HSD17B3: variants seen among roughly 807,000 people sequenced by gnomAD.
HSD17B3 encodes the protein hydroxysteroid 17-beta dehydrogenase 3.
Under a neutral mutation model 41.1 loss-of-function variants are expected in HSD17B3, and 29 were observed. The ratio of observed to expected loss-of-function variants is 0.71; its 90% confidence interval spans 0.53 to 0.96. The LOEUF (loss-of-function observed/expected upper bound fraction) is 0.96, where lower values mean the gene tolerates loss of function less well. Among genes scored for constraint, HSD17B3 ranks in the 40% least tolerant of loss-of-function variants. The pLI is 0.00. For missense variants in HSD17B3, 323 were observed against 374.6 expected, an observed-to-expected ratio of 0.86 and a Z score of 1.14; for synonymous variants, 126 against 145.6, an observed-to-expected ratio of 0.87 and a Z score of 0.97.
intron 2 of HSD17B3, among the ~76,000 whole-genome samples, chr9:96,262,803 T>C (rs564213374): frequency 6.6e-6 from 1 of 152,178 alleles, no homozygotes; most frequent in Non-Finnish European, 1.5e-5. Flanking sequence ...CCTTTTCTTT[T>C]GTTTTGATTT....
At chr9:96,264,731 T>C (rs552337956) in intron 2 of HSD17B3, among the ~76,000 whole-genome samples, 12 of 152,338 alleles carry the variant, frequency 7.9e-5, no homozygotes, top group African/African-American at 2.9e-4. Context: ...AGTATATATG[T>C]CATTTGCTAC....
intron 2 of HSD17B3, among the ~76,000 whole-genome samples, chr9:96,291,272 G>A (rs1199235033): frequency 2.0e-5 from 3 of 152,022 alleles, no homozygotes; most frequent in African/African-American, 7.2e-5. Flanking sequence ...GAGGCCTTGT[G>A]GAGAGCAGTA....
At chr9:96,268,344 C>CA (rs952101064) in intron 2 of HSD17B3, among the ~76,000 whole-genome samples, 3 of 149,756 alleles carry the variant, frequency 2.0e-5, no homozygotes, top group Non-Finnish European at 4.4e-5. Context: ...GATAATATTA[C>CA]AAAAAAAAAC....
rs373017603 is a variant in HSD17B3, at chr9:96,272,373, A to ATCTCTCTC, written c.202-17438_202-17431dup. ...GCCTGGGCAACAAGAGTAAGACTGC[A>ATCTCTCTC]TCTCTCTCTCTCTCTCTCTCTCTCT... On this transcript the variant is annotated intron_variant, in intron 2 of 10. Transcript: ENST00000375263. Among the ~76,000 whole-genome samples the ATCTCTCTC allele has an allele frequency of 9.1e-3, 40 of 4,410 alleles. 6 individuals are homozygous for ATCTCTCTC. The highest frequency in any genetic ancestry group is 0.011 in the Non-Finnish European group (23 of 2,014). 2.9% of individuals were successfully genotyped at this position (4,410 alleles called of 152,430 possible).
At chr9:96,287,336 G>A (rs1392974521) in intron 2 of HSD17B3, among the ~76,000 whole-genome samples, 5 of 152,208 alleles carry the variant, frequency 3.3e-5, no homozygotes, top group African/African-American at 1.2e-4. Context: ...AACACACACA[G>A]CCACTGGGTG....
At chr9:96,294,949 A>C (rs1827288634) in intron 2 of HSD17B3, among the ~76,000 whole-genome samples, 1 of 151,118 alleles carries the variant, frequency 6.6e-6, no homozygotes, top group Admixed American at 6.6e-5. Flanking sequence ...TAGAAGGGTC[A>C]GTGTCAAAAA....
chr9:96,295,076 G>A (rs1290815684), intron 2 of HSD17B3, among the ~76,000 whole-genome samples: 2 of 140,436 alleles, frequency 1.4e-5, no homozygotes, highest in Non-Finnish European at 3.0e-5. Flanking sequence ...GCACAATCTC[G>A]GCCCACTGCA....
intron 2 of HSD17B3, among the ~76,000 whole-genome samples, chr9:96,290,179 T>C (rs1016677123): frequency 6.6e-6 from 1 of 152,004 alleles, no homozygotes; most frequent in African/African-American, 2.4e-5. Context: ...CTCTCCACAA[T>C]TTTTTCCCAC....
At chr9:96,273,142 G>A (rs986000517) in intron 2 of HSD17B3, among the ~76,000 whole-genome samples, 2 of 152,110 alleles carry the variant, frequency 1.3e-5, no homozygotes, top group Admixed American at 1.3e-4. Context: ...CTATATCAAT[G>A]CCCAGAACCT....
At chr9:96,248,447 C>T (rs1176637393) in intron 6 of HSD17B3, among the ~76,000 whole-genome samples, 1 of 152,242 alleles carries the variant, frequency 6.6e-6, no homozygotes, top group East Asian at 1.9e-4. Flanking sequence ...TACTTCCAGT[C>T]CATGTTGTTC....
At chr9:96,252,297 C>T (rs958605375) in intron 4 of HSD17B3, among the ~76,000 whole-genome samples, 6 of 152,048 alleles carry the variant, frequency 3.9e-5, no homozygotes, top group Non-Finnish European at 8.8e-5. Flanking sequence ...GTAATCCCAA[C>T]ACTTTGGGAG....
chr9:96,255,273 GAATTTAA>G (rs1825587238), intron 2 of HSD17B3, among the ~76,000 whole-genome samples: 1 of 146,296 alleles, frequency 6.8e-6, no homozygotes, highest in African/African-American at 2.5e-5. Context: ...CTATGCATCA[GAATTTAA>G]AATACTGGGG....
intron 2 of HSD17B3, among the ~76,000 whole-genome samples, chr9:96,283,044 T>C (rs1310742089): frequency 1.4e-5 from 2 of 145,248 alleles, no homozygotes; most frequent in East Asian, 4.0e-4. Context: ...TCACTCTTTT[T>C]GCCCAGGCTA....
intron 2 of HSD17B3, among the ~76,000 whole-genome samples, chr9:96,287,486 G>A (rs8190515): frequency 0.034 from 5,216 of 152,258 alleles, 315 homozygotes; most frequent in African/African-American, 0.12. Context: ...CGAGGCAGGC[G>A]GATCACGAGG....
chr9:96,241,318 A>G (rs2130705677), intron 9 of HSD17B3, among the ~76,000 whole-genome samples: 1 of 152,360 alleles, frequency 6.6e-6, no homozygotes, highest in Non-Finnish European at 1.5e-5. Flanking sequence ...AAAACTATTC[A>G]TAGGCATCTG....
At position 96,290,476 on chromosome 9, in the gene HSD17B3, TTTTC is replaced by T. The variant is rs1184632617; in HGVS notation, c.201+7936_201+7939del. 1.0e-3 allele frequency among the ~76,000 whole-genome samples: 150 copies of T among 147,024 alleles called. 1 individual carries two copies. Among genetic ancestry groups the T allele is most frequent in the African/African-American group, 3.6e-3 (142 of 39,284 alleles). The stretch of plus-strand genomic sequence containing the variant: ...CTGGGCTTTTTTTTTTTTTTTTTTT[TTTTC>T]CACATATCCCAGACATTGCTGGAGA... On this transcript the variant is annotated intron_variant, in intron 2 of 10. Coordinates refer to ENST00000375263, the MANE Select transcript of HSD17B3 (RefSeq NM_000197.2).
In HSD17B3 at chr9:96,273,740, C is replaced by T. The variant is rs557652365; in HGVS notation, c.202-18797G>A. Among the ~76,000 whole-genome samples the T allele has an allele frequency of 4.5e-4, 69 of 152,284 alleles. No individual in the cohort carries two copies. The South Asian group carries it at 0.012, about 27-fold the overall frequency. On this transcript the variant is annotated intron_variant, in intron 2 of 10. Transcript: ENST00000375263. Reference sequence around the variant, plus strand: ...AAAGGAGAACAGGAAGATCTGCATCCGCCTTCACTACCAAGACCCCACAAT... The same window carrying T: ...AAAGGAGAACAGGAAGATCTGCATCTGCCTTCACTACCAAGACCCCACAAT...
chr9:96,235,875 G>A (rs1030904418), intron 10 of HSD17B3, among the ~76,000 whole-genome samples: 4 of 151,898 alleles, frequency 2.6e-5, no homozygotes, highest in Admixed American at 2.6e-4. Flanking sequence ...GCACGATCAC[G>A]ACTTACTGCA....
chr9:96,241,994 A>G (rs1836468905), intron 9 of HSD17B3, among the ~76,000 whole-genome samples: 1 of 148,360 alleles, frequency 6.7e-6, no homozygotes. Flanking sequence ...AGAAAGAAAG[A>G]AAGAAAGAAA....
Sources: gnomAD v4.1 joint callset for allele counts (sites outside exome capture counted in the v4.1 genomes callset) on GRCh38, gnomAD v4.1.1 for gene constraint, MANE v1.5 for transcripts, NCBI Gene and HGNC (gene_info 2026-07-23, HGNC 2026-07-21) for gene names.